The following NAT16 variants were observed in gnomAD, a reference collection of about 807,000 sequenced individuals.
NAT16 encodes N-acetyltransferase 16 (putative), also known as probable N-acetyltransferase 16.
Under a neutral mutation model 15.9 loss-of-function variants are expected in NAT16, and 16 were observed. The ratio of observed to expected loss-of-function variants is 1.01; its 90% CI spans 0.68 to 1.53. The LOEUF (loss-of-function observed/expected upper bound fraction) is 1.53. Among genes scored for constraint, NAT16 ranks in the 40% most tolerant of loss-of-function variants. The pLI is 0.00. For synonymous variants in NAT16, 260 were observed against 241.9 expected (o/e 1.07, Z -0.69); for missense variants, 572 against 508.4 (o/e 1.13, Z -1.20).
Position 101,170,765 on chromosome 7 carries a change from C to T in NAT16, c.*1314G>A, listed in dbSNP as rs1334699846. 1 of 152,364 alleles carries T rather than the reference C, an allele frequency of 6.6e-6. No individual in the cohort carries two copies. Among genetic ancestry groups the T allele is most frequent in the Non-Finnish European group, 1.5e-5 (1 of 68,070 alleles). 9.4% of individuals were successfully genotyped at this position (152,364 alleles called of 1,614,324 possible). A position where few individuals can be genotyped will look rare whatever the true frequency, so the allele number is the denominator to read the frequency against. ...CTCCTAGCACCTACGCATTGCCCAA[C>T]AAGAAGTTCAAGCTAACATCATCCC... On this transcript the variant is annotated 3_prime_UTR_variant, in exon 4 of 4. Coordinates refer to ENST00000300303, the MANE Select transcript of NAT16 (RefSeq NM_198571.3).
rs914951865 is a variant in NAT16, at chr7:101,172,334, G to A, written c.855C>T (p.Pro285=). 1 of 1,602,162 alleles carries A rather than the reference G, an allele frequency of 6.2e-7. No homozygotes were observed. The highest frequency in any genetic ancestry group is 8.5e-7 in the Non-Finnish European group (1 of 1,175,710). ...RVLTLCTRPF[P]IPHGGDGTWR... ...AAGTGCCGTCCCCTCCGTGCGGGAT[G>A]GGGAAGGGGCGCGTGCACAGCGTGA... Residue 285 remains proline (P), a synonymous_variant, in exon 4 of 4, where the codon CCC becomes CCT. Transcript: ENST00000300303. This position sits in a 1 kb window ranked among gnomAD's most constrained non-coding sequence, Gnocchi z 4.2.
chr7:101,174,616 C>A lies in NAT16; in HGVS notation c.192G>T (p.Glu64Asp). Reference sequence around the variant, plus strand: ...TGCCCCCCGAGATGGCCAGCACTTCCTCAAACTCCCGTTCCGTGGCCACCA... The same window carrying A: ...TGCCCCCCGAGATGGCCAGCACTTCATCAAACTCCCGTTCCGTGGCCACCA... ...DFVVATEREF[E>D]EVLAISGGIY... is the part of the protein sequence containing the mutation. The change falls in exon 2 of 4, where the codon GAG becomes GAT. Residue 64 changes from glutamate (E) to aspartate (D), a missense_variant. Transcript: ENST00000300303. 1 of 1,614,240 alleles carries A rather than the reference C, an allele frequency of 6.2e-7. No homozygotes were observed. Among genetic ancestry groups the A allele is most frequent in the Non-Finnish European group, 8.5e-7 (1 of 1,180,054 alleles).
intron 1 of NAT16, among the ~76,000 whole-genome samples, chr7:101,175,650 G>A (rs1378281869): frequency 1.3e-5 from 2 of 151,860 alleles, no homozygotes; most frequent in Non-Finnish European, 2.9e-5. Context: ...GAAGAAGGCT[G>A]GACACGGAAA....
chr7:101,174,442 C>A (rs1267614485), intron 2 of NAT16, 54 bp downstream of exon 2: 4 of 1,514,512 alleles, frequency 2.6e-6, no homozygotes, highest in Admixed American at 2.2e-5. Flanking sequence ...CTAAGATCCA[C>A]GCACCCGCAG....
intron 1 of NAT16, among the ~76,000 whole-genome samples, chr7:101,176,224 A>G (rs554398722): frequency 2.0e-5 from 3 of 152,348 alleles, no homozygotes; most frequent in African/African-American, 7.2e-5. Context: ...TAGCTCCACT[A>G]GAAAATGTCA....
At chr7:101,174,356 C>T (rs1797414874) in intron 2 of NAT16, 140 bp downstream of exon 2, 1 of 1,164,692 alleles carries the variant, frequency 8.6e-7, no homozygotes, top group African/African-American at 1.6e-5. Flanking sequence ...GCACGCCCTG[C>T]ACTTTGGTCC....
At chr7:101,175,004 G>T (rs1797436077) in intron 1 of NAT16, among the ~76,000 whole-genome samples, 193 bp from the exon 2 acceptor site, 2 of 152,202 alleles carry the variant, frequency 1.3e-5, no homozygotes, top group Middle Eastern at 3.4e-3. Flanking sequence ...GCCCAGGCTG[G>T]AGTGCAGTGG....
chr7:101,175,864 G>T (rs530400265), intron 1 of NAT16, among the ~76,000 whole-genome samples: 2 of 151,552 alleles, frequency 1.3e-5, no homozygotes, highest in South Asian at 4.2e-4. Flanking sequence ...AAAGGTTGCA[G>T]TGAGCCGGGA....
In NAT16 at chr7:101,180,009, C is replaced by G. The variant is rs372438858; in HGVS notation, c.-5+33G>C. The G allele has an allele frequency of 1.2e-3, 177 of 152,734 alleles. 2 individuals carry two copies. In the East Asian group the frequency reaches 0.015, roughly 13 times the overall value. The allele number at this position is 152,734 out of a possible 1,614,324, so 9.5% of individuals were successfully genotyped here. ...TGCGGTGGAGGAGCACGCTAGCCCC[C>G]TCCCCAGTCCCCAGGCCCGGCCGCC... On this transcript the variant is annotated intron_variant, in intron 1 of 3. Coordinates refer to ENST00000300303, the MANE Select transcript of NAT16 (RefSeq NM_198571.3).
chr7:101,174,245 G>A, intron 2 of NAT16: 1 of 496,174 alleles, frequency 2.0e-6, no homozygotes. Context: ...AAATTCCTCC[G>A]GTGGATCCTC....
rs1797320896 is a variant in NAT16 at position 101,171,536 on chromosome 7, A to AG, written c.*542dup. On this transcript the variant is annotated 3_prime_UTR_variant, in exon 4 of 4. Coordinates refer to ENST00000300303, the MANE Select transcript of NAT16 (RefSeq NM_198571.3). ...GATCTCTGGCACCAGAAGCTTGAGC[A>AG]GGGGGAGGGGATTGGGGTGTGGAGG... is the stretch of plus-strand genomic sequence containing the variant. 6.5e-6 allele frequency: 1 copy of AG among 153,204 alleles called. No homozygotes were observed. The allele number at this position is 153,204 out of a possible 1,614,324, so 9.5% of individuals were successfully genotyped here. A position where few individuals can be genotyped will look rare whatever the true frequency, so the allele number is the denominator to read the frequency against.
chr7:101,176,169 C>T (rs1037634142), intron 1 of NAT16, among the ~76,000 whole-genome samples: 1 of 152,156 alleles, frequency 6.6e-6, no homozygotes, highest in East Asian at 1.9e-4. Context: ...CCTGTCCCCC[C>T]ACCTCCACCT....
chr7:101,178,245 C>T (rs116657649), intron 1 of NAT16, among the ~76,000 whole-genome samples: 1 of 152,186 alleles, frequency 6.6e-6, no homozygotes, highest in Non-Finnish European at 1.5e-5. Flanking sequence ...CTTTCCAATG[C>T]ATCCCCCATC....
intron 2 of NAT16, 145 bp from the exon 3 acceptor site, chr7:101,173,665 T>C (rs979855121): frequency 6.3e-6 from 4 of 632,444 alleles, no homozygotes; most frequent in East Asian, 3.0e-5. Context: ...AGCACGGCAC[T>C]TGGGCCTCAG....
rs1181716223 is a variant in NAT16, at chr7:101,172,114, A to C, written c.1075T>G (p.Tyr359Asp). The change falls in exon 4 of 4, where the codon TAT (tyrosine) becomes GAT (aspartate). Residue 359 changes from tyrosine (Y) to aspartate (D), a missense_variant. Physicochemically the swap from Tyr to Asp is radical, Grantham distance 160 (BLOSUM62 -3). Transcript: ENST00000300303. The surrounding 1 kb of genome is among the most constrained non-coding windows in gnomAD (Gnocchi z 4.2). Reference sequence around the variant, plus strand: ...GCCTCCAGCAGGTACTGTTCAGTATAACCCTTCACCAGCTCCAGTCCCAGC... The same window carrying C: ...GCCTCCAGCAGGTACTGTTCAGTATCACCCTTCACCAGCTCCAGTCCCAGC... ...VGLGLELVKG[Y>D]TEQYLLEADI The C allele has an allele frequency of 6.2e-7, 1 of 1,613,834 alleles. No individual in the cohort carries two copies. The highest frequency in any genetic ancestry group is 8.5e-7 in the Non-Finnish European group (1 of 1,179,878).
In NAT16 at chr7:101,172,042, GC is replaced by G. The variant is rs753985999; in HGVS notation, c.*36del. On this transcript the variant is annotated 3_prime_UTR_variant, in exon 4 of 4. Transcript: ENST00000300303. This position sits in a 1 kb window ranked among gnomAD's most constrained non-coding sequence, Gnocchi z 4.2. ...CTGGCTGGGGAAACTGCGGAAGGGG[GC>G]GGGTCTTTTTCCCCCTCCCCGCCAG... 1 of 1,435,292 alleles carries G rather than the reference GC, an allele frequency of 7.0e-7. No individual in the cohort carries two copies. The highest frequency in any genetic ancestry group is 1.2e-5 in the South Asian group (1 of 83,486). The allele number at this position is 1,435,292 out of a possible 1,614,324, so 88.9% of individuals were successfully genotyped here. A position where few individuals can be genotyped will look rare whatever the true frequency, so the allele number is the denominator to read the frequency against.
rs1797360444 is a variant in NAT16, at chr7:101,172,724, C to T, written c.538-73G>A. The stretch of plus-strand genomic sequence containing the variant: ...GGCGAGCCCGGCGCCTCTCGGCAGG[C>T]ATCTTCACTCCCACGTTCACGCCCA... On this transcript the variant is annotated intron_variant, in intron 3 of 3. Coordinates refer to ENST00000300303, the MANE Select transcript of NAT16 (RefSeq NM_198571.3). This position sits in a 1 kb window ranked among gnomAD's most constrained non-coding sequence, Gnocchi z 4.2. 4 of 1,207,046 alleles carry T rather than the reference C, an allele frequency of 3.3e-6. No individual in the cohort carries two copies. The highest frequency in any genetic ancestry group is 3.3e-6 in the Non-Finnish European group (3 of 908,084). The allele number at this position is 1,207,046 out of a possible 1,614,324, so 74.8% of individuals were successfully genotyped here. A position where few individuals can be genotyped will look rare whatever the true frequency, so the allele number is the denominator to read the frequency against.
At chr7:101,178,823 C>G (rs967298426) in intron 1 of NAT16, among the ~76,000 whole-genome samples, 1 of 129,398 alleles carries the variant, frequency 7.7e-6, no homozygotes, top group Non-Finnish European at 1.5e-5. Flanking sequence ...CCCGGGAGGC[C>G]GAGATTGTGG....
rs747668500 is a variant in NAT16, at chr7:101,170,845, C to T, written c.*1234G>A. ...GCTTGGGACACCCGGGTTCTATTCGCTGGGAGGCTCCTAGCTACTTTGAAT... is the reference window on the plus strand; with the variant it reads ...GCTTGGGACACCCGGGTTCTATTCGTTGGGAGGCTCCTAGCTACTTTGAAT... On this transcript the variant is annotated 3_prime_UTR_variant, in exon 4 of 4. Coordinates refer to ENST00000300303, the MANE Select transcript of NAT16 (RefSeq NM_198571.3). The T allele has an allele frequency of 6.6e-6, 1 of 152,378 alleles. No individual in the cohort carries two copies. Among genetic ancestry groups the T allele is most frequent in the Admixed American group, 6.5e-5 (1 of 15,300 alleles). 9.4% of individuals were successfully genotyped at this position (152,378 alleles called of 1,614,324 possible).
Sources: gnomAD v4.1 joint callset for allele counts (sites outside exome capture counted in the v4.1 genomes callset) on GRCh38, gnomAD v4.1.1 for gene constraint, Gnocchi (gnomAD v3.1) non-coding constraint, MANE v1.5 for transcripts, NCBI Gene and HGNC (gene_info 2026-07-23, HGNC 2026-07-21) for gene names.